HMX1: variants seen among roughly 807,000 people sequenced by gnomAD.
HMX1 encodes the protein H6 family homeobox 1, also known as homeobox protein HMX1.
In HMX1, 8 loss-of-function variants were observed where a neutral mutation model predicts 8.9. That is an observed-to-expected ratio of 0.90 (90% CI 0.53 to 1.63). The LOEUF (loss-of-function observed/expected upper bound fraction) is 1.63. Among genes scored for constraint, HMX1 ranks in the 40% most tolerant of loss-of-function variants. The pLI is 0.00. For synonymous variants in HMX1, 311 were observed against 283.4 expected (o/e 1.10, Z -0.98); for missense variants, 621 against 558.5 (o/e 1.11, Z -1.13).
chr4:8,867,150 G>C lies in HMX1; in HGVS notation c.*543C>G. 6 of 985,534 alleles carry C rather than the reference G, an allele frequency of 6.1e-6. No homozygotes were observed. The highest frequency in any genetic ancestry group is 7.2e-6 in the Non-Finnish European group (6 of 829,992). The allele number at this position is 985,534 out of a possible 1,614,324, so 61.0% of individuals were successfully genotyped here. The stretch of plus-strand genomic sequence containing the variant: ...GTCTGCAGAGAGCCCCAGCCTGCCT[G>C]CTCCTGGAACGGACGATGGGACCCA... On this transcript the variant is annotated 3_prime_UTR_variant, in exon 2 of 2. Coordinates refer to ENST00000400677, the MANE Select transcript of HMX1 (RefSeq NM_018942.3).
intron 1 of HMX1, among the ~76,000 whole-genome samples, chr4:8,850,037 T>A (rs1049248525): frequency 1.5e-4 from 23 of 152,156 alleles, no homozygotes; most frequent in African/African-American, 5.3e-4. Flanking sequence ...AGCCCACCCA[T>A]GTGCCGAAGA....
In HMX1 at chr4:8,851,088, C is replaced by T. The variant is rs182790994; in HGVS notation, c.395-4764G>A. Among the ~76,000 whole-genome samples, 1,079 of 152,376 alleles carry T rather than the reference C, an allele frequency of 7.1e-3. 8 individuals are homozygous for T. Among genetic ancestry groups the T allele is most frequent in the Non-Finnish European group, 0.011 (733 of 68,038 alleles). On this transcript the variant is annotated intron_variant, in intron 1 of 1. Transcript: ENST00000506970. Reference sequence around the variant, plus strand: ...CCATTTGCAAACACAAAAACAGAGGCTTGGAGCACCTTAGCCAGCTGCCCA... The same window carrying T: ...CCATTTGCAAACACAAAAACAGAGGTTTGGAGCACCTTAGCCAGCTGCCCA...
intron 1 of HMX1, among the ~76,000 whole-genome samples, chr4:8,857,472 G>A (rs1347536163): frequency 6.6e-6 from 1 of 152,128 alleles, no homozygotes; most frequent in Admixed American, 6.5e-5. Context: ...GGCCTCCCAG[G>A]TCTCACCCCG....
At position 8,871,062 on chromosome 4, in the gene HMX1, C is replaced by T. The variant is rs1164515760; in HGVS notation, c.394+159G>A. Among the ~76,000 whole-genome samples the T allele has an allele frequency of 1.7e-4, 20 of 114,876 alleles. No individual in the cohort carries two copies. The highest frequency in any genetic ancestry group is 4.9e-4 in the African/African-American group (18 of 36,790). The allele number at this position is 114,876 out of a possible 152,430, so 75.4% of individuals were successfully genotyped here. ...AGGGTGGGCCTCCAAACCAGCCCAA[C>T]CAGGGGCTCCTGGGGGCCCCACAAG... On this transcript the variant is annotated intron_variant, in intron 1 of 1. Transcript: ENST00000400677. This position sits in a 1 kb window ranked among gnomAD's most constrained non-coding sequence, Gnocchi z 4.8.
At position 8,867,875 on chromosome 4, in the gene HMX1, T is replaced by G; in HGVS notation, c.865A>C (p.Ser289Arg). The G allele has an allele frequency of 7.8e-7, 1 of 1,278,470 alleles. No homozygotes were observed. The highest frequency in any genetic ancestry group is 9.9e-7 in the Non-Finnish European group (1 of 1,014,062). 79.2% of individuals were successfully genotyped at this position (1,278,470 alleles called of 1,614,324 possible). Residue 289 changes from serine to arginine, a missense_variant, in exon 2 of 2, where the codon AGC (serine) becomes CGC (arginine). Physicochemically the swap from Ser to Arg is moderately radical, Grantham distance 110. Coordinates refer to ENST00000400677, the MANE Select transcript of HMX1 (RefSeq NM_018942.3). The part of the protein sequence containing the change: ...LVRVPVLYHE[S>R]PPAAAAAGPP... ...CCAGCGGCGGCTGCGGCCGGGGGGC[T>G]TTCGTGGTAGAGCACCGGCACGCGG...
At chr4:8,857,792 C>T (rs559310204) in intron 1 of HMX1, among the ~76,000 whole-genome samples, 2 of 152,250 alleles carry the variant, frequency 1.3e-5, no homozygotes, top group Admixed American at 6.5e-5. Context: ...CCCAAACTGC[C>T]GCAGCCCCTC....
intron 1 of HMX1, among the ~76,000 whole-genome samples, chr4:8,856,691 G>A (rs1344844316): frequency 6.6e-6 from 1 of 152,186 alleles, no homozygotes; most frequent in African/African-American, 2.4e-5. Flanking sequence ...GAAGAAGGAG[G>A]GGAGGGAGGC....
intron 1 of HMX1, among the ~76,000 whole-genome samples, chr4:8,850,774 C>A (rs563169495): frequency 1.3e-5 from 2 of 152,332 alleles, no homozygotes; most frequent in Admixed American, 6.5e-5. Context: ...CCCAGCCCTG[C>A]GACTCGGTCT....
chr4:8,860,770 A>T (rs1721776265), intron 1 of HMX1: 1 of 152,616 alleles, frequency 6.6e-6, no homozygotes, highest in African/African-American at 2.4e-5. Context: ...CCCTGCCCGC[A>T]GCTTGAGCTC....
rs1398972549 is a variant in HMX1, at chr4:8,871,070, T to G, written c.394+151A>C. Reference sequence around the variant, plus strand: ...CCTCCAAACCAGCCCAACCAGGGGCTCCTGGGGGCCCCACAAGGCCCAGAC... The same window carrying G: ...CCTCCAAACCAGCCCAACCAGGGGCGCCTGGGGGCCCCACAAGGCCCAGAC... On this transcript the variant is annotated intron_variant, in intron 1 of 1. Transcript: ENST00000400677. This position sits in a 1 kb window ranked among gnomAD's most constrained non-coding sequence, Gnocchi z 4.8. 1 of 736,734 alleles carries G rather than the reference T, an allele frequency of 1.4e-6. No homozygotes were observed. The highest frequency in any genetic ancestry group is 2.0e-5 in the African/African-American group (1 of 49,418). 45.6% of individuals were successfully genotyped at this position (736,734 alleles called of 1,614,324 possible). A position where few individuals can be genotyped will look rare whatever the true frequency, so the allele number is the denominator to read the frequency against.
downstream of HMX1, among the ~76,000 whole-genome samples, chr4:8,862,439 C>T (rs1283662818): frequency 6.6e-6 from 1 of 152,196 alleles, no homozygotes. Context: ...CAAGTGAATT[C>T]CCGTGTACCC....
rs1217203924 is a variant in HMX1 at position 8,849,189 on chromosome 4, T to G, written c.395-2865A>C. Among the ~76,000 whole-genome samples the G allele has an allele frequency of 6.6e-6, 1 of 152,056 alleles. No individual in the cohort carries two copies. Among genetic ancestry groups the G allele is most frequent in the Non-Finnish European group, 1.5e-5 (1 of 68,024 alleles). On this transcript the variant is annotated intron_variant, in intron 1 of 1. Coordinates refer to the HMX1 transcript ENST00000506970. This position sits in a 1 kb window ranked among gnomAD's most constrained non-coding sequence, Gnocchi z 6.6. ...ACGGGTCCAACCATGGCAGCTGTCA[T>G]GAGCTGAACTGTGTCCTCCCAAATG...
chr4:8,867,581 C>G lies in HMX1; in HGVS notation c.*112G>C. On this transcript the variant is annotated 3_prime_UTR_variant, in exon 2 of 2. Coordinates refer to ENST00000400677, the MANE Select transcript of HMX1 (RefSeq NM_018942.3). The stretch of plus-strand genomic sequence containing the variant: ...CTGCGCTCCCGAGGTATCTAGGAGG[C>G]CGCAGGAGCGACCATCCCTTCCCTA... 8.4e-7 allele frequency: 1 copy of G among 1,185,552 alleles called. No individual in the cohort carries two copies. The highest frequency in any genetic ancestry group is 1.0e-6 in the Non-Finnish European group (1 of 958,156). The allele number at this position is 1,185,552 out of a possible 1,614,324, so 73.4% of individuals were successfully genotyped here. A position where few individuals can be genotyped will look rare whatever the true frequency, so the allele number is the denominator to read the frequency against.
At position 8,871,312 on chromosome 4, in the gene HMX1, A is replaced by T; in HGVS notation, c.303T>A (p.Gly101=). 7.2e-7 allele frequency: 1 copy of T among 1,392,164 alleles called. No homozygotes were observed. Among genetic ancestry groups the T allele is most frequent in the Middle Eastern group, 2.6e-4 (1 of 3,840 alleles). The allele number at this position is 1,392,164 out of a possible 1,614,324, so 86.2% of individuals were successfully genotyped here. Residue 101 remains glycine (G), a synonymous_variant, in exon 1 of 2, where the codon GGT becomes GGA. Transcript: ENST00000400677. This position sits in a 1 kb window ranked among gnomAD's most constrained non-coding sequence, Gnocchi z 4.8. Reference sequence around the variant, plus strand: ...AGCCCAGAGCGAAGGGCGGCCCGGGACCGGGGGGCGGCCGAGGACCGAGGC... The same window carrying T: ...AGCCCAGAGCGAAGGGCGGCCCGGGTCCGGGGGGCGGCCGAGGACCGAGGC... The part of the protein sequence containing the change: ...ALGLGPRPPP[G]PGPPFALGCG...
At chr4:8,861,109 A>C (rs1721796606) in intron 1 of HMX1, among the ~76,000 whole-genome samples, 1 of 151,968 alleles carries the variant, frequency 6.6e-6, no homozygotes, top group African/African-American at 2.4e-5. Context: ...GACACAGCGG[A>C]GCTGGCGCCA....
In HMX1 at chr4:8,849,540, C is replaced by A. The variant is rs1370627468; in HGVS notation, c.395-3216G>T. Among the ~76,000 whole-genome samples the A allele has an allele frequency of 6.6e-6, 1 of 152,100 alleles. No individual in the cohort carries two copies. The highest frequency in any genetic ancestry group is 2.4e-5 in the African/African-American group (1 of 41,432). On this transcript the variant is annotated intron_variant, in intron 1 of 1. Coordinates refer to the HMX1 transcript ENST00000506970. The surrounding 1 kb of genome is among the most constrained non-coding windows in gnomAD (Gnocchi z 6.6). ...ACGCCTGGGGCTCAGACTTGTGGTC[C>A]CCAGAACTGCAAGATAAAACATTTC...
intron 1 of HMX1, among the ~76,000 whole-genome samples, chr4:8,851,957 T>C (rs1320673920): frequency 6.6e-6 from 1 of 152,164 alleles, no homozygotes; most frequent in African/African-American, 2.4e-5. Context: ...CTGCGTCCTG[T>C]GTCAAGGAGG....
chr4:8,865,298 C>G (rs561411002), downstream of HMX1, among the ~76,000 whole-genome samples: 2 of 152,242 alleles, frequency 1.3e-5, no homozygotes, highest in Non-Finnish European at 2.9e-5. Flanking sequence ...CCCCTTTGGC[C>G]TGAGCTTCAA....
rs1577192739 is a variant in HMX1, at chr4:8,853,006, T to C, written c.395-6682A>G. On this transcript the variant is annotated intron_variant, in intron 1 of 1. Transcript: ENST00000506970. The surrounding 1 kb of genome is among the most constrained non-coding windows in gnomAD (Gnocchi z 4.7). Reference sequence around the variant, plus strand: ...GATGGCCAAAAAAAAAAAAGCAAGATAGAAGGAGTCCCTGGGTTCCTGGCC... The same window carrying C: ...GATGGCCAAAAAAAAAAAAGCAAGACAGAAGGAGTCCCTGGGTTCCTGGCC... Among the ~76,000 whole-genome samples, 2 of 149,006 alleles carry C rather than the reference T, an allele frequency of 1.3e-5. No individual in the cohort carries two copies. Among genetic ancestry groups the C allele is most frequent in the Non-Finnish European group, 3.0e-5 (2 of 67,498 alleles).
Sources: allele counts gnomAD v4.1 joint callset (sites outside exome capture counted in the v4.1 genomes callset), GRCh38; gene constraint gnomAD v4.1.1; non-coding constraint Gnocchi (gnomAD v3.1); transcripts MANE v1.5; gene names NCBI Gene and HGNC (gene_info 2026-07-23, HGNC 2026-07-21).